STRBP: variants seen among roughly 807,000 people sequenced by gnomAD.
STRBP encodes spermatid perinuclear RNA binding protein, also known as spermatid perinuclear RNA-binding protein.
Under a neutral mutation model 80.1 loss-of-function variants are expected in STRBP, and 13 were observed. That is an observed-to-expected ratio of 0.16 (90% CI 0.11 to 0.26). The LOEUF (loss-of-function observed/expected upper bound fraction) is 0.26, where lower values mean the gene tolerates loss of function less well. Ranked by LOEUF, STRBP falls within the 10% of genes least tolerant of loss-of-function variation. STRBP has a pLI of 1.00. For missense variants in STRBP, 485 were observed against 815.2 expected, an observed-to-expected ratio of 0.59 and a Z score of 4.93; for synonymous variants, 284 against 291.2, an observed-to-expected ratio of 0.98 and a Z score of 0.25.
At chr9:123,252,019 G>C (rs1411596097) in intron 1 of STRBP, among the ~76,000 whole-genome samples, 1 of 151,374 alleles carries the variant, frequency 6.6e-6, no homozygotes, top group Admixed American at 6.6e-5. Flanking sequence ...AGCTTGCATA[G>C]CACCATCTAT....
intron 11 of STRBP, 108 bp from the exon 12 acceptor site, chr9:123,147,978 G>T: frequency 1.0e-6 from 1 of 955,398 alleles, no homozygotes; most frequent in Non-Finnish European, 1.5e-6. Context: ...TCACACCAAG[G>T]ACCATACAAC....
intron 1 of STRBP, among the ~76,000 whole-genome samples, chr9:123,258,354 T>C (rs1488132852): frequency 6.6e-6 from 1 of 152,090 alleles, no homozygotes; most frequent in African/African-American, 2.4e-5. Flanking sequence ...GAACCAGAAA[T>C]GGAGGAGCTG....
At position 123,265,819 on chromosome 9, in the gene STRBP, C is replaced by T. The variant is rs74639597; in HGVS notation, c.-302+2617G>A. Reference sequence around the variant, plus strand: ...TACCAGAGAATCCAAAAGCCTCCAACTAAATTTTACCTGAACCATTTGGGA... The same window carrying T: ...TACCAGAGAATCCAAAAGCCTCCAATTAAATTTTACCTGAACCATTTGGGA... On this transcript the variant is annotated intron_variant, in intron 1 of 18. Coordinates refer to ENST00000348403, the MANE Select transcript of STRBP (RefSeq NM_018387.5). Among the ~76,000 whole-genome samples, 510 of 152,330 alleles carry T rather than the reference C, an allele frequency of 3.3e-3. 1 individual carries two copies. The highest frequency in any genetic ancestry group is 0.012 in the African/African-American group (489 of 41,562).
intron 1 of STRBP, among the ~76,000 whole-genome samples, chr9:123,257,571 T>C (rs1331420092): frequency 2.0e-5 from 3 of 152,236 alleles, no homozygotes; most frequent in Non-Finnish European, 4.4e-5. Flanking sequence ...TCCCAGGGCT[T>C]TGGGATACCC....
intron 1 of STRBP, among the ~76,000 whole-genome samples, chr9:123,261,804 C>T (rs984649814): frequency 6.6e-5 from 10 of 152,146 alleles, no homozygotes; most frequent in African/African-American, 2.4e-4. Flanking sequence ...ACACTTTTCC[C>T]CTCTAGTTCA....
intron 11 of STRBP, among the ~76,000 whole-genome samples, chr9:123,154,496 C>T (rs927574811): frequency 2.0e-5 from 3 of 152,148 alleles, no homozygotes; most frequent in East Asian, 1.9e-4. Context: ...AAGGATAAAA[C>T]GGATGGCTTC....
chr9:123,162,860 T>C (rs114809682), intron 6 of STRBP, among the ~76,000 whole-genome samples: 444 of 152,360 alleles, frequency 2.9e-3, no homozygotes, highest in African/African-American at 9.3e-3. Context: ...TTTATAGTGA[T>C]ACAAAATATA....
At chr9:123,219,580 A>G (rs1463581239) in intron 2 of STRBP, among the ~76,000 whole-genome samples, 2 of 152,266 alleles carry the variant, frequency 1.3e-5, no homozygotes, top group East Asian at 1.9e-4. Context: ...CTCAGTTCAT[A>G]GCAAAGTTAT....
rs753531390 is a variant in STRBP, at chr9:123,166,784, ACAACAAC to A, written c.535+3111_535+3117del. ...AACAACAACAACAACAACAACAACA[ACAACAAC>A]AAAAAAACAAGCCAAACGAAAGACT... On this transcript the variant is annotated intron_variant, in intron 6 of 18. Transcript: ENST00000348403. Among the ~76,000 whole-genome samples the A allele has an allele frequency of 1.8e-3, 245 of 137,006 alleles. 1 individual carries two copies. Among genetic ancestry groups the A allele is most frequent in the African/African-American group, 7.1e-3 (222 of 31,282 alleles). 89.9% of individuals were successfully genotyped at this position (137,006 alleles called of 152,430 possible). A position where few individuals can be genotyped will look rare whatever the true frequency, so the allele number is the denominator to read the frequency against.
chr9:123,184,029 A>G, intron 3 of STRBP, 103 bp downstream of exon 3: 1 of 1,207,244 alleles, frequency 8.3e-7, no homozygotes, highest in Non-Finnish European at 1.2e-6. Flanking sequence ...AAAGCCAAAA[A>G]TTAACACCAC....
At chr9:123,128,668 A>G (rs2035999108) in intron 17 of STRBP, among the ~76,000 whole-genome samples, 1 of 152,236 alleles carries the variant, frequency 6.6e-6, no homozygotes, top group Non-Finnish European at 1.5e-5. Flanking sequence ...TAATTTGTTG[A>G]ACAAAAGAAT....
rs199993611 is a variant in STRBP at position 123,145,987 on chromosome 9, AGAGCAG to A, written c.1338+862_1338+867del. Among the ~76,000 whole-genome samples, 3 of 151,998 alleles carry A rather than the reference AGAGCAG, an allele frequency of 2.0e-5. No homozygotes were observed. The East Asian group carries it at 5.8e-4, about 29-fold the overall frequency. ...TACACACTAGAATGTAAGCTCCATG[AGAGCAG>A]GAACTTTGTTTCATTAACTGCTATA... On this transcript the variant is annotated intron_variant, in intron 13 of 18. Coordinates refer to ENST00000348403, the MANE Select transcript of STRBP (RefSeq NM_018387.5).
Position 123,136,325 on chromosome 9 carries a change from G to A in STRBP, c.1632+56C>T, listed in dbSNP as rs2036351341. On this transcript the variant is annotated intron_variant, in intron 15 of 18. Coordinates refer to ENST00000348403, the MANE Select transcript of STRBP (RefSeq NM_018387.5). This position sits in a 1 kb window ranked among gnomAD's most constrained non-coding sequence, Gnocchi z 4.2. ...AGTCTAAAACTTTACATTAAGTTCA[G>A]GATATCCTATGTCTTTGAGAAGAAA... 1 of 1,606,390 alleles carries A rather than the reference G, an allele frequency of 6.2e-7. No homozygotes were observed. Among genetic ancestry groups the A allele is most frequent in the Non-Finnish European group, 8.5e-7 (1 of 1,176,494 alleles).
chr9:123,191,042 T>A (rs1279954306), intron 2 of STRBP, among the ~76,000 whole-genome samples: 1 of 152,170 alleles, frequency 6.6e-6, no homozygotes, highest in Non-Finnish European at 1.5e-5. Flanking sequence ...CAAAAATCCT[T>A]GCCCTTGTGG....
intron 1 of STRBP, among the ~76,000 whole-genome samples, chr9:123,245,636 C>T (rs2040785759): frequency 6.6e-6 from 1 of 152,152 alleles, no homozygotes; most frequent in Admixed American, 6.5e-5. Context: ...CCTCCTCAGC[C>T]TCTCAAAGTG....
chr9:123,114,835 G>C (rs1446542128), intron 3 of STRBP: 5 of 253,448 alleles, frequency 2.0e-5, no homozygotes, highest in African/African-American at 1.1e-4. Flanking sequence ...TTGGCCCAGG[G>C]TTGGGGGCCA....
chr9:123,248,736 T>G (rs938702536), intron 1 of STRBP, among the ~76,000 whole-genome samples: 1 of 152,232 alleles, frequency 6.6e-6, no homozygotes. Context: ...GATGTAATGA[T>G]TACCTGAATG....
intron 1 of STRBP, among the ~76,000 whole-genome samples, chr9:123,249,452 C>T (rs960144589): frequency 6.6e-6 from 1 of 151,874 alleles, no homozygotes; most frequent in Non-Finnish European, 1.5e-5. Flanking sequence ...CCAGCCAGGG[C>T]AACATAGCAA....
chr9:123,254,025 T>G (rs566988072), intron 1 of STRBP, among the ~76,000 whole-genome samples: 43 of 150,858 alleles, frequency 2.9e-4, no homozygotes, highest in Admixed American at 6.0e-4. Flanking sequence ...TGGTTAGCCT[T>G]TTAAAAAAAC....
Sources: gnomAD v4.1 joint callset for allele counts (sites outside exome capture counted in the v4.1 genomes callset) on GRCh38, gnomAD v4.1.1 for gene constraint, Gnocchi (gnomAD v3.1) non-coding constraint, MANE v1.5 for transcripts, NCBI Gene and HGNC (gene_info 2026-07-23, HGNC 2026-07-21) for gene names.